Variants in KMT2C observed in about 807,000 individuals in gnomAD.
KMT2C encodes histone-lysine N-methyltransferase 2C.
Under a neutral mutation model 507.9 loss-of-function variants are expected in KMT2C, and 88 were observed. That is an observed-to-expected ratio of 0.17 (90% CI 0.15 to 0.21). The LOEUF (loss-of-function observed/expected upper bound fraction) is 0.21. Ranked by LOEUF, KMT2C falls within the 10% of genes least tolerant of loss-of-function variation. The pLI is 1.00. For missense variants in KMT2C, 4,954 were observed against 5,957.8 expected (o/e 0.83, Z 5.55); for synonymous variants, 2,049 against 2,080.8 (o/e 0.98, Z 0.42).
At position 152,144,680 on chromosome 7, in the gene KMT2C, T is replaced by A; in HGVS notation, c.14343+33A>T. ...TCAGATTGCTAGACTCCACCCTGTCTCTCCACTTCCTGTACACAAAGTATT... is the reference window on the plus strand; with the variant it reads ...TCAGATTGCTAGACTCCACCCTGTCACTCCACTTCCTGTACACAAAGTATT... On this transcript the variant is annotated intron_variant, in intron 55 of 58. Coordinates refer to ENST00000262189, the MANE Select transcript of KMT2C (RefSeq NM_170606.3). The surrounding 1 kb of genome is among the most constrained non-coding windows in gnomAD (Gnocchi z 4.4). 1 of 1,592,980 alleles carries A rather than the reference T, an allele frequency of 6.3e-7. No homozygotes were observed. Among genetic ancestry groups the A allele is most frequent in the Non-Finnish European group, 8.6e-7 (1 of 1,164,286 alleles).
chr7:152,194,751 A>G (rs930099713), intron 28 of KMT2C, among the ~76,000 whole-genome samples, 183 bp from the exon 29 acceptor site: 2 of 151,966 alleles, frequency 1.3e-5, no homozygotes, highest in South Asian at 2.1e-4. Context: ...TAGGCACAAT[A>G]TATTTGTATT....
In KMT2C at chr7:152,208,414, T is replaced by C. The variant is rs542033142; in HGVS notation, c.3713-986A>G. On this transcript the variant is annotated intron_variant, in intron 23 of 58. Coordinates refer to ENST00000262189, the MANE Select transcript of KMT2C (RefSeq NM_170606.3). ...ATTATGTCAAACAGTTGTATGCTCC[T>C]ATGTATTAATGTCATGCTTTATTTT... Among the ~76,000 whole-genome samples the C allele has an allele frequency of 5.9e-5, 9 of 152,382 alleles. No individual in the cohort carries two copies. The South Asian group carries it at 1.9e-3, about 32-fold the overall frequency.
chr7:152,326,880 CAA>C (rs1019890291), intron 3 of KMT2C, among the ~76,000 whole-genome samples: 2 of 150,816 alleles, frequency 1.3e-5, no homozygotes, highest in African/African-American at 4.9e-5. Context: ...GACTCTGTCT[CAA>C]AAAAAATAAA....
At chr7:152,157,327 C>CAA (rs5888464) in intron 44 of KMT2C, among the ~76,000 whole-genome samples, 50 of 58,928 alleles carry the variant, frequency 8.5e-4, no homozygotes, top group Admixed American at 1.2e-3. Context: ...GACCCTGTCT[C>CAA]AAAAAAAAAA....
chr7:152,211,914 G>A (rs959643352), intron 23 of KMT2C, among the ~76,000 whole-genome samples: 11 of 152,154 alleles, frequency 7.2e-5, no homozygotes, highest in Admixed American at 3.9e-4. Flanking sequence ...CGGGCGTGGT[G>A]GCAGGTGCCT....
At chr7:152,364,525 T>C (rs1589468398) in intron 1 of KMT2C, among the ~76,000 whole-genome samples, 2 of 149,904 alleles carry the variant, frequency 1.3e-5, no homozygotes, top group African/African-American at 5.0e-5. Flanking sequence ...AGGAGAATGG[T>C]GTGAACCCAG....
chr7:152,231,100 G>T (rs1041451004), intron 16 of KMT2C, among the ~76,000 whole-genome samples: 9 of 152,168 alleles, frequency 5.9e-5, no homozygotes, highest in African/African-American at 2.2e-4. Flanking sequence ...GTGGTTACTA[G>T]GAAGTTTTAA....
intron 6 of KMT2C, among the ~76,000 whole-genome samples, chr7:152,284,220 GA>G (rs35556873): frequency 0.044 from 6,668 of 151,372 alleles, 228 homozygotes; most frequent in South Asian, 0.089. Context: ...TCATGATTTT[GA>G]AAAAAAATCT....
Position 152,135,680 on chromosome 7 carries a change from T to C in KMT2C, c.*1152A>G, listed in dbSNP as rs2089819657. The C allele has an allele frequency of 8.8e-6, 2 of 227,366 alleles. No homozygotes were observed. The highest frequency in any genetic ancestry group is 1.7e-5 in the Non-Finnish European group (2 of 114,328). The allele number at this position is 227,366 out of a possible 1,614,324, so 14.1% of individuals were successfully genotyped here. On this transcript the variant is annotated 3_prime_UTR_variant, in exon 59 of 59. Transcript: ENST00000262189. ...AAAAAATTCAGCCTCCATTTGGGTG[T>C]ATTTTTAAGCAGTTATTCACAGTTA...
chr7:152,227,082 C>G lies in KMT2C; in HGVS notation c.2977-2466G>C, dbSNP rs563753556. Among the ~76,000 whole-genome samples the G allele has an allele frequency of 2.0e-5, 3 of 152,186 alleles. No homozygotes were observed. In the East Asian group the frequency reaches 5.8e-4, roughly 29 times the overall value. On this transcript the variant is annotated intron_variant, in intron 18 of 58. Coordinates refer to ENST00000262189, the MANE Select transcript of KMT2C (RefSeq NM_170606.3). The stretch of plus-strand genomic sequence containing the variant: ...CTTATATTCACTCTTCAAAACACTA[C>G]AGTCTGGTCTCTACACCCACATCCA...
At chr7:152,262,988 TA>T (rs746399595) in intron 9 of KMT2C, 27 bp downstream of exon 9, 1 of 1,546,562 alleles carries the variant, frequency 6.5e-7, no homozygotes, top group Non-Finnish European at 8.9e-7. Context: ...AGAGAGGATT[TA>T]AAAAAATAAA....
chr7:152,405,434 G>A (rs1294314811), intron 1 of KMT2C, among the ~76,000 whole-genome samples: 30 of 149,700 alleles, frequency 2.0e-4, no homozygotes, highest in African/African-American at 6.6e-4. Context: ...TAGTAGAGAT[G>A]GGGTTTCGCC....
rs551171705 is a variant in KMT2C at position 152,345,324 on chromosome 7, C to T, written c.250+13263G>A. On this transcript the variant is annotated intron_variant, in intron 2 of 58. Coordinates refer to ENST00000262189, the MANE Select transcript of KMT2C (RefSeq NM_170606.3). ...ACTTGGGAGGCTGAGCACAGGTAGT[C>T]CCAGCTACTTGCGAAGCTGAGGTGC... is the stretch of plus-strand genomic sequence containing the variant. Among the ~76,000 whole-genome samples the T allele has an allele frequency of 5.9e-5, 9 of 152,160 alleles. No individual in the cohort carries two copies. The South Asian group carries it at 1.7e-3, about 28-fold the overall frequency.
intron 1 of KMT2C, among the ~76,000 whole-genome samples, chr7:152,369,014 G>A (rs2097270490): frequency 6.6e-6 from 1 of 151,612 alleles, no homozygotes; most frequent in African/African-American, 2.4e-5. Context: ...AAGGACTGTG[G>A]AAGGTTAAAA....
At chr7:152,224,709 A>C (rs1426436643) in intron 18 of KMT2C, 93 bp from the exon 19 acceptor site, 1 of 877,844 alleles carries the variant, frequency 1.1e-6, no homozygotes, top group Admixed American at 2.6e-5. Flanking sequence ...ATGTACCTAG[A>C]AGCAGAAAAG....
chr7:152,136,136 T>C lies in KMT2C; in HGVS notation c.*696A>G, dbSNP rs2089856483. ...CAGCAGCTTGGCTTTCTTCTAACTT[T>C]ATTTAAAAATAGCTTCATTCACTTA... On this transcript the variant is annotated 3_prime_UTR_variant, in exon 59 of 59. Coordinates refer to ENST00000262189, the MANE Select transcript of KMT2C (RefSeq NM_170606.3). 2 of 209,442 alleles carry C rather than the reference T, an allele frequency of 9.5e-6. No homozygotes were observed. The highest frequency in any genetic ancestry group is 5.9e-5 in the Admixed American group (1 of 16,964). The allele number at this position is 209,442 out of a possible 1,614,324, so 13.0% of individuals were successfully genotyped here.
chr7:152,419,833 CA>C (rs1468091418), intron 1 of KMT2C, among the ~76,000 whole-genome samples: 5 of 152,192 alleles, frequency 3.3e-5, no homozygotes, highest in Admixed American at 6.5e-5. Context: ...CAGTAATTAT[CA>C]AAAAGGTAAC....
chr7:152,204,590 CCTAG>C (rs2094241688), intron 25 of KMT2C, among the ~76,000 whole-genome samples: 1 of 116,262 alleles, frequency 8.6e-6, no homozygotes, highest in African/African-American at 3.4e-5. Flanking sequence ...TAGTGAGACC[CCTAG>C]ATAGATAGAT....
At chr7:152,417,101 A>G (rs1186372668) in intron 1 of KMT2C, among the ~76,000 whole-genome samples, 1 of 151,734 alleles carries the variant, frequency 6.6e-6, no homozygotes, top group East Asian at 1.9e-4. Flanking sequence ...AAGAGTTTAT[A>G]TTTATTGCTT....
Sources: allele counts gnomAD v4.1 joint callset (sites outside exome capture counted in the v4.1 genomes callset), GRCh38; gene constraint gnomAD v4.1.1; non-coding constraint Gnocchi (gnomAD v3.1); transcripts MANE v1.5; gene names NCBI Gene and HGNC (gene_info 2026-07-23, HGNC 2026-07-21).